Variants in RNF212B observed in about 807,000 individuals in gnomAD.
The protein encoded by RNF212B is ring finger protein 212B.
A neutral mutation model predicts 55.5 loss-of-function variants in RNF212B; 52 were observed. The ratio of observed to expected loss-of-function variants is 0.94; its 90% CI spans 0.75 to 1.18. The LOEUF is 1.18. Ranked by LOEUF, RNF212B falls within the 50% of genes most tolerant of loss-of-function variation. RNF212B has a pLI of 0.00. For synonymous variants in RNF212B, 99 were observed against 121.4 expected, an observed-to-expected ratio of 0.82 and a Z score of 1.21; for missense variants, 289 against 350.4, an observed-to-expected ratio of 0.82 and a Z score of 1.40.
intron 4 of RNF212B, among the ~76,000 whole-genome samples, chr14:23,252,043 G>A (rs759775121): frequency 6.7e-6 from 1 of 149,792 alleles, no homozygotes; most frequent in African/African-American, 2.5e-5. Flanking sequence ...TGTCATTGGC[G>A]ATTGAACTCA....
At chr14:23,198,528 C>T (rs1160713904) in intron 2 of RNF212B, among the ~76,000 whole-genome samples, 1 of 151,808 alleles carries the variant, frequency 6.6e-6, no homozygotes, top group African/African-American at 2.4e-5. Flanking sequence ...TAAAAAAAAT[C>T]AGCTGGGCGT....
intron 4 of RNF212B, among the ~76,000 whole-genome samples, chr14:23,256,313 C>T (rs1038360926): frequency 6.6e-6 from 1 of 152,010 alleles, no homozygotes; most frequent in South Asian, 2.1e-4. Context: ...ACTCCTACCC[C>T]CCTGCCATTT....
At chr14:23,265,388 T>C (rs1324683094) in intron 11 of RNF212B, among the ~76,000 whole-genome samples, 1 of 152,228 alleles carries the variant, frequency 6.6e-6, no homozygotes, top group Non-Finnish European at 1.5e-5. Flanking sequence ...TGAAGGAATA[T>C]TTTGGGTCTG....
At position 23,243,281 on chromosome 14, in the gene RNF212B, C is replaced by T; in HGVS notation, c.126C>T (p.Ala42=). 1 of 1,550,206 alleles carries T rather than the reference C, an allele frequency of 6.5e-7. No individual in the cohort carries two copies. The highest frequency in any genetic ancestry group is 8.7e-7 in the Non-Finnish European group (1 of 1,146,964). The part of the protein sequence containing the change: ...TLEKCAVCGT[A]CKHLALSDNL... ...AAAAATGTGCTGTTTGTGGAACTGC[C>T]TGCAAGCATCTGGCTCTTTCTGATA... Residue 42 remains alanine (A), a synonymous_variant, in exon 3 of 15, where the codon GCC becomes GCT. Transcript: ENST00000430154.
At chr14:23,215,179 T>C (rs1456606030) in intron 2 of RNF212B, among the ~76,000 whole-genome samples, 1 of 152,034 alleles carries the variant, frequency 6.6e-6, no homozygotes, top group Non-Finnish European at 1.5e-5. Context: ...GTTTGGCAGT[T>C]CCCCCCACCC....
At chr14:23,253,637 T>C (rs1479871721) in intron 4 of RNF212B, among the ~76,000 whole-genome samples, 1 of 152,200 alleles carries the variant, frequency 6.6e-6, no homozygotes, top group Non-Finnish European at 1.5e-5. Context: ...TTGATGAACT[T>C]TGCAGAGATC....
At chr14:23,222,176 T>C (rs1448898007) in intron 2 of RNF212B, among the ~76,000 whole-genome samples, 2 of 150,230 alleles carry the variant, frequency 1.3e-5, no homozygotes, top group South Asian at 2.1e-4. Flanking sequence ...AAGAAAACAA[T>C]ACAACAGGTC....
At chr14:23,204,338 C>A (rs918207684) in intron 2 of RNF212B, among the ~76,000 whole-genome samples, 1 of 152,158 alleles carries the variant, frequency 6.6e-6, no homozygotes, top group Admixed American at 6.6e-5. Context: ...AAATTATCTT[C>A]TAGAGTTTTT....
At chr14:23,209,872 G>C (rs1193263499) in intron 2 of RNF212B, among the ~76,000 whole-genome samples, 2 of 152,136 alleles carry the variant, frequency 1.3e-5, no homozygotes, top group Non-Finnish European at 2.9e-5. Context: ...TCTATGACTG[G>C]CCCAGTGAGG....
intron 4 of RNF212B, among the ~76,000 whole-genome samples, chr14:23,254,813 C>G (rs1338885050): frequency 3.9e-5 from 6 of 152,194 alleles, no homozygotes; most frequent in African/African-American, 1.4e-4. Flanking sequence ...GTGCCTCTCT[C>G]AGTATTTTTC....
At chr14:23,217,505 G>C (rs572538363) in intron 2 of RNF212B, among the ~76,000 whole-genome samples, 1 of 152,178 alleles carries the variant, frequency 6.6e-6, no homozygotes, top group Non-Finnish European at 1.5e-5. Flanking sequence ...CACAGTCCCA[G>C]TGGTGGTTGC....
chr14:23,255,168 TTC>T (rs1884742320), intron 4 of RNF212B, among the ~76,000 whole-genome samples: 1 of 152,250 alleles, frequency 6.6e-6, no homozygotes, highest in African/African-American at 2.4e-5. Context: ...GCACTTTTTG[TTC>T]TCTGTTTCTG....
Position 23,273,104 on chromosome 14 carries a change from T to C in RNF212B, c.*213T>C. 2.6e-6 allele frequency: 1 copy of C among 389,924 alleles called. No individual in the cohort carries two copies. Among genetic ancestry groups the C allele is most frequent in the Non-Finnish European group, 4.6e-6 (1 of 218,142 alleles). 24.2% of individuals were successfully genotyped at this position (389,924 alleles called of 1,614,324 possible). ...AAAAGGCTAGTGCTTCAGGAAGATG[T>C]TTATATCTCTTCCAGAAGACACTGG... On this transcript the variant is annotated 3_prime_UTR_variant, in exon 15 of 15. Transcript: ENST00000430154.
chr14:23,233,502 G>C (rs547094403), upstream of RNF212B, among the ~76,000 whole-genome samples: 1 of 144,364 alleles, frequency 6.9e-6, no homozygotes, highest in African/African-American at 2.5e-5. Flanking sequence ...GAGGTGGGAG[G>C]ATCAGTTGAG....
At chr14:23,232,600 G>A (rs1209349578) in intron 2 of RNF212B, among the ~76,000 whole-genome samples, 1 of 151,654 alleles carries the variant, frequency 6.6e-6, no homozygotes, top group African/African-American at 2.4e-5. Context: ...GGAGTTGGGG[G>A]GTCAGCCCCC....
At chr14:23,209,696 G>T (rs1324823864) in intron 2 of RNF212B, among the ~76,000 whole-genome samples, 1 of 152,118 alleles carries the variant, frequency 6.6e-6, no homozygotes, top group African/African-American at 2.4e-5. Flanking sequence ...CTCTTTCAAA[G>T]AATAGATGGA....
intron 10 of RNF212B, among the ~76,000 whole-genome samples, 193 bp downstream of exon 10, chr14:23,264,427 A>G (rs1472850946): frequency 6.6e-6 from 1 of 152,220 alleles, no homozygotes. Context: ...GAAATAGTGA[A>G]AGTGTTTAAG....
intron 2 of RNF212B, among the ~76,000 whole-genome samples, chr14:23,206,275 A>G (rs551027839): frequency 1.3e-5 from 2 of 152,354 alleles, no homozygotes; most frequent in African/African-American, 4.8e-5. Context: ...GGGTTTCACC[A>G]CGTTGGCCAG....
Position 23,244,007 on chromosome 14 carries a change from G to A in RNF212B, c.154-315G>A, listed in dbSNP as rs184144694. Among the ~76,000 whole-genome samples, 803 of 152,108 alleles carry A rather than the reference G, an allele frequency of 5.3e-3. 8 individuals are homozygous for A. The highest frequency in any genetic ancestry group is 0.018 in the African/African-American group (737 of 41,498). On this transcript the variant is annotated intron_variant, in intron 3 of 14. Coordinates refer to ENST00000430154, the MANE Select transcript of RNF212B (RefSeq NM_001282322.3). ...GCAGAAGAATCACTTGAACCCAAAA[G>A]GCGAGGGTTGCAATGAGCCTAGATC...
Sources: allele counts gnomAD v4.1 joint callset (sites outside exome capture counted in the v4.1 genomes callset), GRCh38; gene constraint gnomAD v4.1.1; transcripts MANE v1.5; gene names NCBI Gene and HGNC (gene_info 2026-07-23, HGNC 2026-07-21).